The following USP44 variants were observed in gnomAD, a reference collection of about 807,000 sequenced individuals.
USP44 encodes the protein ubiquitin carboxyl-terminal hydrolase 44.
USP44 carries 61 observed loss-of-function variants against 69.0 expected under a neutral mutation model. The ratio of observed to expected loss-of-function variants is 0.88; its 90% CI spans 0.72 to 1.09. The LOEUF (loss-of-function observed/expected upper bound fraction) is 1.09. Ranked by LOEUF, USP44 falls within the 50% of genes least tolerant of loss-of-function variation. USP44 has a pLI of 0.00. For missense variants in USP44, 753 were observed against 849.9 expected (o/e 0.89, Z 1.42); for synonymous variants, 297 against 295.4 (o/e 1.01, Z -0.06).
intron 1 of USP44, among the ~76,000 whole-genome samples, chr12:95,541,379 T>G (rs2077384278): frequency 6.6e-6 from 1 of 152,072 alleles, no homozygotes; most frequent in African/African-American, 2.4e-5. Context: ...CTGCTTGAGC[T>G]CAGGAGTTCA....
In USP44 at chr12:95,516,850, T is replaced by TATC. The variant is rs1025144418; in HGVS notation, c.*1301_*1303dup. 8 of 152,134 alleles carry TATC rather than the reference T, an allele frequency of 5.3e-5. No homozygotes were observed. Among genetic ancestry groups the TATC allele is most frequent in the African/African-American group, 1.9e-4 (8 of 41,410 alleles). 9.4% of individuals were successfully genotyped at this position (152,134 alleles called of 1,614,324 possible). A position where few individuals can be genotyped will look rare whatever the true frequency, so the allele number is the denominator to read the frequency against. ...TGGTGAACAGCATTCTACAGGATAC[T>TATC]ATCTTTCACTAAGACTTCAACCTGC... On this transcript the variant is annotated 3_prime_UTR_variant, in exon 6 of 6. Coordinates refer to ENST00000258499, the MANE Select transcript of USP44 (RefSeq NM_032147.5).
rs1297407809 is a variant in USP44 at position 95,532,926 on chromosome 12, G to T, written c.1331C>A (p.Thr444Asn). Residue 444 changes from threonine (T) to asparagine (N), a missense_variant, in exon 2 of 6, where the codon ACC becomes AAC. Physicochemically the swap from Thr to Asn is moderately conservative, Grantham distance 65 (BLOSUM62 0). Coordinates refer to ENST00000258499, the MANE Select transcript of USP44 (RefSeq NM_032147.5). The part of the protein sequence containing the change: ...KIQRELETTG[T>N]SLPALIPTSQ... ...AGTGGGGATAAGAGCTGGTAAACTG[G>T]TACCAGTTGTCTCTAATTCACGTTG... The T allele has an allele frequency of 6.2e-7, 1 of 1,614,022 alleles. No individual in the cohort carries two copies. The highest frequency in any genetic ancestry group is 1.7e-5 in the Admixed American group (1 of 59,996).
Position 95,533,497 on chromosome 12 carries a change from A to G in USP44, c.760T>C (p.Ser254Pro). 6 of 1,614,110 alleles carry G rather than the reference A, an allele frequency of 3.7e-6. No homozygotes were observed. The highest frequency in any genetic ancestry group is 5.1e-6 in the Non-Finnish European group (6 of 1,179,996). The change falls in exon 2 of 6, where the codon TCT becomes CCT. Residue 254 changes from serine to proline, a missense_variant. Ser to Pro is a moderately conservative substitution (Grantham distance 74). Transcript: ENST00000258499. The part of the protein sequence containing the change: ...KVLSTSENEI[S>P]QKVSDSSVKR... ...ACTGAGGAGTCACTGACTTTTTGAG[A>G]TATTTCATTTTCTGAGGTAGAGAGT... is the stretch of plus-strand genomic sequence containing the variant.
At position 95,519,444 on chromosome 12, in the gene USP44, T is replaced by C. The variant is rs1379200336; in HGVS notation, c.1940-1091A>G. Among the ~76,000 whole-genome samples, 12 of 136,722 alleles carry C rather than the reference T, an allele frequency of 8.8e-5. No homozygotes were observed. In the Admixed American group the frequency reaches 8.8e-4, roughly 10 times the overall value. The allele number at this position is 136,722 out of a possible 152,430, so 89.7% of individuals were successfully genotyped here. ...ATACTCAATCTGTATTTTTTTTTTT[T>C]TTTTTTTTTTTTTGAGATGGAGTCT... On this transcript the variant is annotated intron_variant, in intron 5 of 5. Transcript: ENST00000258499.
In USP44 at chr12:95,534,117, ACATGGGAG is replaced by A; in HGVS notation, c.132_139del (p.Ser45CysfsTer7). ...CTCTTCAATATATCTTCCACAGGCAACATGGGAGCAGCTAAGGCAAGCCCAAATGGACT... is the reference window on the plus strand; with the variant it reads ...CTCTTCAATATATCTTCCACAGGCAACAGCTAAGGCAAGCCCAAATGGACT... On this transcript the variant is annotated frameshift_variant, in exon 2 of 6. Coordinates refer to ENST00000258499, the MANE Select transcript of USP44 (RefSeq NM_032147.5). LOFTEE classifies it high-confidence loss of function. The A allele has an allele frequency of 6.2e-7, 1 of 1,614,198 alleles. No individual in the cohort carries two copies. Among genetic ancestry groups the A allele is most frequent in the Non-Finnish European group, 8.5e-7 (1 of 1,180,024 alleles).
intron 1 of USP44, among the ~76,000 whole-genome samples, chr12:95,538,878 C>T (rs1032475484): frequency 1.3e-5 from 2 of 152,214 alleles, no homozygotes; most frequent in African/African-American, 4.8e-5. Context: ...CTACTGGGTT[C>T]AGAGCACCTC....
At chr12:95,544,203 C>T (rs1452191225) in intron 1 of USP44, among the ~76,000 whole-genome samples, 4 of 150,664 alleles carry the variant, frequency 2.7e-5, no homozygotes, top group Admixed American at 1.3e-4. Context: ...TACAGGCGCC[C>T]GCCACCATGC....
intron 3 of USP44, among the ~76,000 whole-genome samples, chr12:95,526,585 A>C (rs1264612087): frequency 1.3e-5 from 2 of 152,168 alleles, no homozygotes; most frequent in African/African-American, 2.4e-5. Context: ...AAAACAACAA[A>C]AAAAAACCTT....
intron 4 of USP44, among the ~76,000 whole-genome samples, chr12:95,524,185 A>G (rs752792212): frequency 1.3e-5 from 2 of 151,922 alleles, no homozygotes; most frequent in South Asian, 4.2e-4. Context: ...GGTTCAAGCG[A>G]TTCTCCCGAC....
rs749978930 is a variant in USP44, at chr12:95,533,770, G to T, written c.487C>A (p.Arg163=). 1 of 1,613,738 alleles carries T rather than the reference G, an allele frequency of 6.2e-7. No individual in the cohort carries two copies. The highest frequency in any genetic ancestry group is 1.3e-5 in the African/African-American group (1 of 74,778). Residue 163 remains arginine, a synonymous_variant, in exon 2 of 6, where the codon CGA becomes AGA. Coordinates refer to ENST00000258499, the MANE Select transcript of USP44 (RefSeq NM_032147.5). The stretch of plus-strand genomic sequence containing the variant: ...ATGGGTGATTGTTCAAACCATGTTC[G>T]AAAGATTTTACCCATTAGTATCCTT... ...RRRILMGKIF[R]TWFEQSPIGR...
chr12:95,541,911 G>C lies in USP44; in HGVS notation c.-70-7585C>G, dbSNP rs1218780172. Among the ~76,000 whole-genome samples the C allele has an allele frequency of 2.6e-5, 3 of 115,716 alleles. No homozygotes were observed. The East Asian group carries it at 7.5e-4, about 29-fold the overall frequency. 75.9% of individuals were successfully genotyped at this position (115,716 alleles called of 152,430 possible). A position where few individuals can be genotyped will look rare whatever the true frequency, so the allele number is the denominator to read the frequency against. The stretch of plus-strand genomic sequence containing the variant: ...TTTTTTTTTTTTGAGACAGGGTCTT[G>C]CTCTGTTGCCCGGGCTGGACAGCAG... On this transcript the variant is annotated intron_variant, in intron 1 of 5. Coordinates refer to ENST00000258499, the MANE Select transcript of USP44 (RefSeq NM_032147.5).
At position 95,533,545 on chromosome 12, in the gene USP44, C is replaced by G; in HGVS notation, c.712G>C (p.Ala238Pro). Residue 238 changes from alanine to proline, a missense_variant, in exon 2 of 6, where the codon GCA becomes CCA. Transcript: ENST00000258499. Reference sequence around the variant, plus strand: ...AGTACTTTATCTTTTGCTGGTGATGCTGGCGTTTGTGCTGGCACCTGAACA... The same window carrying G: ...AGTACTTTATCTTTTGCTGGTGATGGTGGCGTTTGTGCTGGCACCTGAACA... ...VSVQVPAQTP[A>P]SPAKDKVLST... 1 of 1,613,668 alleles carries G rather than the reference C, an allele frequency of 6.2e-7. No homozygotes were observed. Among genetic ancestry groups the G allele is most frequent in the South Asian group, 1.1e-5 (1 of 91,020 alleles).
rs149826144 is a variant in USP44 at position 95,526,567 on chromosome 12, G to C, written c.1625-1779C>G. On this transcript the variant is annotated intron_variant, in intron 3 of 5. Coordinates refer to ENST00000258499, the MANE Select transcript of USP44 (RefSeq NM_032147.5). ...AGCATGGGTGACAGAGCGAGATTCT[G>C]TCTCAAAAAAACAACAAAAAAAAAC... is the stretch of plus-strand genomic sequence containing the variant. Among the ~76,000 whole-genome samples, 1,397 of 152,126 alleles carry C rather than the reference G, an allele frequency of 9.2e-3. 26 individuals carry two copies. The highest frequency in any genetic ancestry group is 0.032 in the African/African-American group (1,338 of 41,486).
At chr12:95,529,874 A>G (rs1485673128) in intron 2 of USP44, among the ~76,000 whole-genome samples, 2 of 152,240 alleles carry the variant, frequency 1.3e-5, no homozygotes, top group South Asian at 4.1e-4. Context: ...GACAAGATAT[A>G]TGACATAAAT....
chr12:95,519,667 C>T (rs1396606865), intron 5 of USP44, among the ~76,000 whole-genome samples: 4 of 150,218 alleles, frequency 2.7e-5, no homozygotes, highest in Non-Finnish European at 5.9e-5. Context: ...CTCCTGACCT[C>T]GTGATCCACC....
At chr12:95,541,477 G>A (rs192084872) in intron 1 of USP44, among the ~76,000 whole-genome samples, 1 of 152,010 alleles carries the variant, frequency 6.6e-6, no homozygotes, top group Non-Finnish European at 1.5e-5. Flanking sequence ...TACTCGGGGG[G>A]CTGAGGTGGG....
chr12:95,530,936 G>A (rs1033007180), intron 2 of USP44, among the ~76,000 whole-genome samples: 11 of 152,142 alleles, frequency 7.2e-5, no homozygotes, highest in South Asian at 4.1e-4. Flanking sequence ...AGGCCGAGGC[G>A]CGTGGATCAC....
chr12:95,545,946 A>G (rs2077556609), intron 1 of USP44, among the ~76,000 whole-genome samples: 1 of 152,136 alleles, frequency 6.6e-6, no homozygotes. Context: ...TAAACAATAA[A>G]GGACACCCTT....
chr12:95,527,380 C>A (rs2076875503), intron 3 of USP44, among the ~76,000 whole-genome samples: 1 of 152,032 alleles, frequency 6.6e-6, no homozygotes, highest in African/African-American at 2.4e-5. Context: ...CAGGTGTGAG[C>A]CACTGTGCCC....
Sources: allele counts gnomAD v4.1 joint callset (sites outside exome capture counted in the v4.1 genomes callset), GRCh38; gene constraint gnomAD v4.1.1; transcripts MANE v1.5; gene names NCBI Gene and HGNC (gene_info 2026-07-23, HGNC 2026-07-21).